The following CACNA2D1 variants were observed in gnomAD, a reference collection of about 807,000 sequenced individuals.
CACNA2D1 encodes the protein calcium voltage-gated channel auxiliary subunit alpha2delta 1.
A neutral mutation model predicts 171.5 loss-of-function variants in CACNA2D1; 53 were observed. That is an observed-to-expected ratio of 0.31 (90% CI 0.25 to 0.39). The LOEUF is 0.39. Among genes scored for constraint, CACNA2D1 ranks in the 10% least tolerant of loss-of-function variants. The pLI is 1.00. For synonymous variants in CACNA2D1, 442 were observed against 443.1 expected, an observed-to-expected ratio of 1.00 and a Z score of 0.03; for missense variants, 903 against 1,299.8, an observed-to-expected ratio of 0.69 and a Z score of 4.69.
At chr7:82,236,568 T>C (rs1803614694) in intron 3 of CACNA2D1, among the ~76,000 whole-genome samples, 1 of 152,108 alleles carries the variant, frequency 6.6e-6, no homozygotes, top group African/African-American at 2.4e-5. Context: ...ACATTCATAA[T>C]TTAATCTCTT....
chr7:82,028,484 TATTA>T (rs1802232115), intron 12 of CACNA2D1: 1 of 151,842 alleles, frequency 6.6e-6, no homozygotes, highest in African/African-American at 2.4e-5. Flanking sequence ...TTTCAAGTCT[TATTA>T]ATTATTTAAG....
chr7:82,270,736 T>G (rs1222105763), intron 3 of CACNA2D1, among the ~76,000 whole-genome samples: 1 of 152,116 alleles, frequency 6.6e-6, no homozygotes, highest in Non-Finnish European at 1.5e-5. Context: ...AATTCTTGTT[T>G]TTTAAGTTGT....
chr7:81,959,177 A>G, intron 38 of CACNA2D1, 98 bp downstream of exon 38: 1 of 836,418 alleles, frequency 1.2e-6, no homozygotes, highest in South Asian at 1.4e-5. Flanking sequence ...TGGTTAAGAC[A>G]TTACGTTTGA....
intron 12 of CACNA2D1, among the ~76,000 whole-genome samples, chr7:82,021,499 C>T (rs1015453763): frequency 5.9e-5 from 9 of 151,964 alleles, no homozygotes; most frequent in African/African-American, 2.2e-4. Context: ...ATTTTTCTAA[C>T]ATTTATGAAT....
rs755869870 is a variant in CACNA2D1, at chr7:82,032,901, A to G, written c.1039T>C (p.Tyr347His). 6.6e-7 allele frequency: 1 copy of G among 1,514,616 alleles called. No homozygotes were observed. The highest frequency in any genetic ancestry group is 1.1e-5 in the South Asian group (1 of 89,064). The allele number at this position is 1,514,616 out of a possible 1,614,324, so 93.8% of individuals were successfully genotyped here. The change falls in exon 12 of 39, where the codon TAT (tyrosine) becomes CAT (histidine). Residue 347 changes from tyrosine to histidine, a missense_variant and splice_region_variant. By Grantham distance (83) the Tyr-to-His change is moderately conservative. Coordinates refer to ENST00000356860, the MANE Select transcript of CACNA2D1 (RefSeq NM_000722.4). ...TTGCAGTTTGCTCTGGAAACATTAT[A>G]CTGTTAAAAACAAAACCAAACAAAA... ...FSFAFEQLLN[Y>H]NVSRANCNKI...
chr7:82,312,579 C>T (rs1475936014), intron 3 of CACNA2D1, among the ~76,000 whole-genome samples: 7 of 149,018 alleles, frequency 4.7e-5, no homozygotes, highest in African/African-American at 1.7e-4. Flanking sequence ...TGCAGTGGCA[C>T]GATCTCAGCT....
At chr7:82,172,431 G>C (rs754101175) in intron 3 of CACNA2D1, among the ~76,000 whole-genome samples, 2 of 151,052 alleles carry the variant, frequency 1.3e-5, no homozygotes, top group East Asian at 3.9e-4. Context: ...GATAGAATGA[G>C]AAAATAAGCA....
intron 1 of CACNA2D1, among the ~76,000 whole-genome samples, chr7:82,396,537 T>C (rs1825775085): frequency 6.6e-6 from 1 of 152,168 alleles, no homozygotes; most frequent in African/African-American, 2.4e-5. Context: ...GGCTACACAA[T>C]ATATGTCTGC....
chr7:81,956,899 T>G (rs1793443745), intron 38 of CACNA2D1, among the ~76,000 whole-genome samples: 2 of 152,098 alleles, frequency 1.3e-5, no homozygotes, highest in Admixed American at 1.3e-4. Context: ...TTAGTAGTAT[T>G]GAATAGAGAA....
intron 3 of CACNA2D1, among the ~76,000 whole-genome samples, chr7:82,192,667 C>T (rs1798457867): frequency 6.6e-6 from 1 of 151,352 alleles, no homozygotes; most frequent in Admixed American, 6.6e-5. Flanking sequence ...AACTGCCTGG[C>T]AGATAATCCT....
Position 82,200,630 on chromosome 7 carries a change from T to C in CACNA2D1, c.295-30021A>G, listed in dbSNP as rs369736370. Among the ~76,000 whole-genome samples, 142 of 152,326 alleles carry C rather than the reference T, an allele frequency of 9.3e-4. No homozygotes were observed. The Middle Eastern group carries it at 0.02, about 22-fold the overall frequency. On this transcript the variant is annotated intron_variant, in intron 3 of 38. Coordinates refer to ENST00000356860, the MANE Select transcript of CACNA2D1 (RefSeq NM_000722.4). ...TATTTCTTGAAATTTTTTATAATCC[T>C]TTACTTTGATCCTTCAATATTTTAC...
At chr7:82,125,133 G>A (rs7341478) in intron 5 of CACNA2D1, among the ~76,000 whole-genome samples, 51,013 of 152,006 alleles carry the variant, frequency 0.34, 10,047 homozygotes, top group African/African-American at 0.55. Context: ...AAATAGCAAC[G>A]TAAATATGCA....
In CACNA2D1 at chr7:81,950,404, G is replaced by C; in HGVS notation, c.3264C>G (p.His1088Gln). 1 of 1,613,228 alleles carries C rather than the reference G, an allele frequency of 6.2e-7. No homozygotes were observed. The highest frequency in any genetic ancestry group is 8.5e-7 in the Non-Finnish European group (1 of 1,179,534). Residue 1088 changes from histidine to glutamine, a missense_variant, in exon 39 of 39, where the codon CAC becomes CAG. Physicochemically the swap from His to Gln is conservative, Grantham distance 24. Coordinates refer to ENST00000356860, the MANE Select transcript of CACNA2D1 (RefSeq NM_000722.4). The part of the protein sequence containing the change: ...LLLWLVSGST[H>Q]RLL ...GGTTTTTAGAAGGTCATAACAGGCG[G>C]TGTGTGCTGCCAGATACCAGCCAAA...
intron 3 of CACNA2D1, among the ~76,000 whole-genome samples, chr7:82,306,865 T>C (rs1464261169): frequency 1.0e-5 from 1 of 99,524 alleles, no homozygotes; most frequent in Non-Finnish European, 1.9e-5. Flanking sequence ...TACTGGTATC[T>C]ACGAAAAAAT....
rs542056500 is a variant in CACNA2D1, at chr7:82,006,167, G to A, written c.1441-328C>T. Among the ~76,000 whole-genome samples the A allele has an allele frequency of 3.3e-5, 5 of 152,044 alleles. No individual in the cohort carries two copies. The South Asian group carries it at 8.3e-4, about 25-fold the overall frequency. On this transcript the variant is annotated intron_variant, in intron 16 of 38. Transcript: ENST00000356860. ...TATTGTACGGTCAGCCCTTATAGCT[G>A]TGTGTCTATATATGTGAGTTTAGAT...
chr7:82,026,490 C>T (rs993399323), intron 12 of CACNA2D1, among the ~76,000 whole-genome samples: 1 of 151,534 alleles, frequency 6.6e-6, no homozygotes, highest in Non-Finnish European at 1.5e-5. Context: ...CTAAATCTAT[C>T]GAATTTCATT....
chr7:82,326,034 T>C (rs1001747850), intron 3 of CACNA2D1, among the ~76,000 whole-genome samples: 3 of 152,146 alleles, frequency 2.0e-5, no homozygotes, highest in African/African-American at 7.2e-5. Context: ...CACTCAGTGA[T>C]GTGATGATGT....
At chr7:82,332,558 G>GAAAGAAAGAAAGAA (rs1554514943) in intron 3 of CACNA2D1, among the ~76,000 whole-genome samples, 2 of 137,930 alleles carry the variant, frequency 1.5e-5, no homozygotes, top group African/African-American at 2.6e-5. Context: ...AAGAAAGAAA[G>GAAAGAAAGAAAGAA]AAAGAAAGAA....
chr7:82,221,237 A>C (rs1273665370), intron 3 of CACNA2D1, among the ~76,000 whole-genome samples: 1 of 152,198 alleles, frequency 6.6e-6, no homozygotes. Flanking sequence ...CGATCCACTG[A>C]AAGGGTTTTG....
Sources: gnomAD v4.1 joint callset for allele counts (sites outside exome capture counted in the v4.1 genomes callset) on GRCh38, gnomAD v4.1.1 for gene constraint, MANE v1.5 for transcripts, NCBI Gene and HGNC (gene_info 2026-07-23, HGNC 2026-07-21) for gene names.